Variants in CAPN2 observed in about 807,000 individuals in gnomAD.
CAPN2 encodes calpain 2, also known as calpain-2 catalytic subunit.
In CAPN2, 92 loss-of-function variants were observed where a neutral mutation model predicts 102.3. The observed-to-expected ratio is 0.90, with a 90% CI of 0.76 to 1.07. The LOEUF is 1.07. Ranked by LOEUF, CAPN2 falls within the 50% of genes least tolerant of loss-of-function variation. The pLI is 0.00. For synonymous variants in CAPN2, 340 were observed against 355.4 expected, an observed-to-expected ratio of 0.96 and a Z score of 0.49; for missense variants, 800 against 909.4, an observed-to-expected ratio of 0.88 and a Z score of 1.55.
chr1:223,722,258 C>CCTTT (rs912479852), intron 2 of CAPN2, among the ~76,000 whole-genome samples: 1 of 147,578 alleles, frequency 6.8e-6, no homozygotes, highest in Non-Finnish European at 1.5e-5. Context: ...TATTTCTTTT[C>CCTTT]CTTTCTTTCT....
Position 223,712,574 on chromosome 1 carries a change from C to T in CAPN2, c.-67C>T. On this transcript the variant is annotated 5_prime_UTR_variant, in exon 1 of 21. Coordinates refer to ENST00000295006, the MANE Select transcript of CAPN2 (RefSeq NM_001748.5). ...GCAGCGCGCCGGGCCCTGGCCGCGC[C>T]CCAGCCGAGCGCAGCGCGGAGTCGC... 7.2e-7 allele frequency: 1 copy of T among 1,397,978 alleles called. No homozygotes were observed. The highest frequency in any genetic ancestry group is 9.3e-7 in the Non-Finnish European group (1 of 1,077,366). 86.6% of individuals were successfully genotyped at this position (1,397,978 alleles called of 1,614,324 possible). A position where few individuals can be genotyped will look rare whatever the true frequency, so the allele number is the denominator to read the frequency against.
At chr1:223,762,412 C>T (rs1426740355) in intron 14 of CAPN2, among the ~76,000 whole-genome samples, 161 bp downstream of exon 14, 1 of 152,210 alleles carries the variant, frequency 6.6e-6, no homozygotes, top group Non-Finnish European at 1.5e-5. Flanking sequence ...AGCCCTCTTG[C>T]GTGTGTCCTC....
intron 4 of CAPN2, among the ~76,000 whole-genome samples, chr1:223,746,086 G>C (rs1173478017): frequency 6.6e-6 from 1 of 152,192 alleles, no homozygotes; most frequent in Non-Finnish European, 1.5e-5. Context: ...CATGTTGGCT[G>C]TGCCGCCCGG....
intron 19 of CAPN2, 98 bp downstream of exon 19, chr1:223,772,023 T>C: frequency 9.0e-7 from 1 of 1,108,704 alleles, no homozygotes; most frequent in South Asian, 1.3e-5. Flanking sequence ...GAGACATGTC[T>C]TCCAGGAGTT....
intron 1 of CAPN2, among the ~76,000 whole-genome samples, chr1:223,713,969 G>A (rs959321726): frequency 1.3e-5 from 2 of 152,170 alleles, no homozygotes; most frequent in Admixed American, 6.5e-5. Flanking sequence ...AGGCCCTGCC[G>A]TCATGGCCTC....
chr1:223,771,788 T>A (rs1558080528), intron 18 of CAPN2, 21 bp from the exon 19 acceptor site: 2 of 1,463,348 alleles, frequency 1.4e-6, no homozygotes, highest in South Asian at 1.1e-5. Flanking sequence ...GCAATGAGTT[T>A]GTTTGTTCAT....
chr1:223,709,378 C>T (rs933341672), upstream of CAPN2, among the ~76,000 whole-genome samples: 1 of 152,070 alleles, frequency 6.6e-6, no homozygotes, highest in South Asian at 2.1e-4. Flanking sequence ...GATTCCATTT[C>T]GGCAGGGTGC....
chr1:223,749,456 C>T (rs1275408815), intron 6 of CAPN2: 4 of 339,690 alleles, frequency 1.2e-5, no homozygotes, highest in Non-Finnish European at 2.1e-5. Context: ...GTTTTATACT[C>T]TATAAGGTGC....
chr1:223,752,872 G>C lies in CAPN2; in HGVS notation c.1051G>C (p.Asp351His), dbSNP rs149659079. The C allele has an allele frequency of 3.1e-6, 5 of 1,614,020 alleles. No homozygotes were observed. The highest frequency in any genetic ancestry group is 2.2e-5 in the East Asian group (1 of 44,890). The change falls in exon 9 of 21, where the codon GAT becomes CAT. Residue 351 changes from aspartate (D) to histidine (H), a missense_variant. By Grantham distance (81) the Asp-to-His change is moderately conservative. Transcript: ENST00000295006. Reference protein sequence around the residue: ...CNLTPDTLTSDTYKKWKLTKM... With the variant: ...CNLTPDTLTSHTYKKWKLTKM... Reference sequence around the variant, plus strand: ...CCTGACCCCAGACACTCTCACCAGCGATACCTACAAGAAGTGGAAACTCAC... The same window carrying C: ...CCTGACCCCAGACACTCTCACCAGCCATACCTACAAGAAGTGGAAACTCAC...
intron 9 of CAPN2, among the ~76,000 whole-genome samples, chr1:223,753,492 G>A (rs1319357743): frequency 1.3e-5 from 2 of 152,254 alleles, no homozygotes; most frequent in Non-Finnish European, 2.9e-5. Flanking sequence ...CCTTTGTTGA[G>A]CCCCTTGATT....
At chr1:223,743,950 C>G in intron 2 of CAPN2, 150 bp from the exon 3 acceptor site, 1 of 662,790 alleles carries the variant, frequency 1.5e-6, no homozygotes, top group South Asian at 1.8e-5. Context: ...ACCCTCTGAC[C>G]CAACCCTCAT....
At position 223,726,688 on chromosome 1, in the gene CAPN2, G is replaced by A. The variant is rs1660198074; in HGVS notation, c.307+8857G>A. 6.6e-6 allele frequency among the ~76,000 whole-genome samples: 1 copy of A among 152,336 alleles called. No individual in the cohort carries two copies. The highest frequency in any genetic ancestry group is 1.9e-4 in the East Asian group (1 of 5,178). ...GGCTCACAGTTCTGATGTGTGTGCAGTTTAGGGAAGGAGGCTGAAGACTTC... is the reference window on the plus strand; with the variant it reads ...GGCTCACAGTTCTGATGTGTGTGCAATTTAGGGAAGGAGGCTGAAGACTTC... On this transcript the variant is annotated intron_variant, in intron 2 of 20. Coordinates refer to ENST00000295006, the MANE Select transcript of CAPN2 (RefSeq NM_001748.5). This position sits in a 1 kb window ranked among gnomAD's most constrained non-coding sequence, Gnocchi z 4.4.
rs1182869513 is a variant in CAPN2, at chr1:223,727,260, A to G, written c.307+9429A>G. ...AAGGTCTAAAGAAATATAACGCAAA[A>G]CAGGTACGATTTGAGATCCATCAGG... On this transcript the variant is annotated intron_variant, in intron 2 of 20. Coordinates refer to ENST00000295006, the MANE Select transcript of CAPN2 (RefSeq NM_001748.5). This position sits in a 1 kb window ranked among gnomAD's most constrained non-coding sequence, Gnocchi z 4.1. 6.6e-6 allele frequency among the ~76,000 whole-genome samples: 1 copy of G among 152,180 alleles called. No individual in the cohort carries two copies. The highest frequency in any genetic ancestry group is 2.4e-5 in the African/African-American group (1 of 41,450).
In CAPN2 at chr1:223,769,895, A is replaced by T; in HGVS notation, c.1810A>T (p.Ile604Phe). ...LKEFYILWTK[I>F]QKYQKIYREI... is the part of the protein sequence containing the mutation. Reference sequence around the variant, plus strand: ...GGAGTTCTACATTCTCTGGACGAAGATTCAAAAATACCAAGTAAGATCCCA... The same window carrying T: ...GGAGTTCTACATTCTCTGGACGAAGTTTCAAAAATACCAAGTAAGATCCCA... Residue 604 changes from isoleucine to phenylalanine, a missense_variant, in exon 17 of 21, where the codon ATT becomes TTT. Physicochemically the swap from Ile to Phe is conservative, Grantham distance 21. Transcript: ENST00000295006. The T allele has an allele frequency of 1.9e-6, 3 of 1,603,432 alleles. No individual in the cohort carries two copies. Among genetic ancestry groups the T allele is most frequent in the Non-Finnish European group, 2.6e-6 (3 of 1,174,602 alleles).
At chr1:223,708,927 A>G (rs567270446), upstream of CAPN2, among the ~76,000 whole-genome samples, 2 of 152,168 alleles carry the variant, frequency 1.3e-5, no homozygotes, top group African/African-American at 2.4e-5. Flanking sequence ...GAGAAAGACA[A>G]TTCCAATTCA....
chr1:223,770,623 TATAAA>T, intron 18 of CAPN2, 98 bp downstream of exon 18: 6 of 809,408 alleles, frequency 7.4e-6, no homozygotes, highest in Non-Finnish European at 1.0e-5. Context: ...TTGGTAAAGC[TATAAA>T]ATAAAGTAGG....
At chr1:223,770,585 A>G in intron 18 of CAPN2, 60 bp downstream of exon 18, 7 of 1,123,620 alleles carry the variant, frequency 6.2e-6, no homozygotes, top group Non-Finnish European at 9.5e-6. Context: ...ATATGTGAAC[A>G]CTCATCTTAT....
intron 9 of CAPN2, among the ~76,000 whole-genome samples, chr1:223,753,625 TA>T (rs1276213375): frequency 6.6e-6 from 1 of 150,526 alleles, no homozygotes; most frequent in African/African-American, 2.5e-5. Flanking sequence ...TGAGGATCCA[TA>T]ATCTGAAAAT....
intron 1 of CAPN2, among the ~76,000 whole-genome samples, chr1:223,713,341 A>T (rs369795302): frequency 2.0e-5 from 3 of 152,264 alleles, no homozygotes; most frequent in East Asian, 3.9e-4. Flanking sequence ...GACAGGCCAT[A>T]GCCTGGTCAT....
Sources: allele counts gnomAD v4.1 joint callset (sites outside exome capture counted in the v4.1 genomes callset), GRCh38; gene constraint gnomAD v4.1.1; non-coding constraint Gnocchi (gnomAD v3.1); transcripts MANE v1.5; gene names NCBI Gene and HGNC (gene_info 2026-07-23, HGNC 2026-07-21).